The following POLR3GL variants were observed in gnomAD, a reference collection of about 807,000 sequenced individuals.
POLR3GL encodes the protein DNA-directed RNA polymerase III subunit RPC7-like.
A neutral mutation model predicts 32.4 loss-of-function variants in POLR3GL; 26 were observed. The observed-to-expected ratio is 0.80, with a 90% CI of 0.59 to 1.11. The LOEUF is 1.11. POLR3GL is among the 50% of genes most tolerant of loss of function. POLR3GL has a pLI of 0.00. For missense variants in POLR3GL, 229 were observed against 280.1 expected (o/e 0.82, Z 1.30); for synonymous variants, 95 against 98.7 (o/e 0.96, Z 0.22).
intron 7 of POLR3GL, 96 bp downstream of exon 7, chr1:145,978,192 G>A: frequency 1.3e-6 from 2 of 1,518,346 alleles, no homozygotes; most frequent in Admixed American, 2.1e-5. Flanking sequence ...CAGAGATAGT[G>A]CCCCCCAGGG....
At chr1:145,965,626 C>T (rs1257020443) in intron 1 of POLR3GL, among the ~76,000 whole-genome samples, 6 of 152,204 alleles carry the variant, frequency 3.9e-5, no homozygotes, top group Non-Finnish European at 7.3e-5. Context: ...CTACTAGAGC[C>T]ATGCATCCTT....
intron 1 of POLR3GL, among the ~76,000 whole-genome samples, chr1:145,969,406 A>G (rs1650180305): frequency 6.6e-6 from 1 of 151,720 alleles, no homozygotes; most frequent in Admixed American, 6.6e-5. Flanking sequence ...CTGGGACTAC[A>G]GGCGCACACC....
intron 4 of POLR3GL, 29 bp from the exon 5 acceptor site, chr1:145,977,454 A>C: frequency 6.2e-7 from 1 of 1,608,766 alleles, no homozygotes; most frequent in Non-Finnish European, 8.5e-7. Flanking sequence ...GCAGGGTCCT[A>C]TTGACATTTA....
chr1:145,973,006 C>T (rs1201243438), intron 1 of POLR3GL, among the ~76,000 whole-genome samples: 2 of 152,104 alleles, frequency 1.3e-5, no homozygotes, highest in African/African-American at 2.4e-5. Context: ...GCTAACCCAT[C>T]AATATGTGAG....
chr1:145,977,599 G>A lies in POLR3GL; in HGVS notation c.382+60G>A, dbSNP rs373046614. ...GGTTTCCTTCATCAGCCTGAGGGCC[G>A]AGGCTGCTGCTGGTCTCACCTTCCA... On this transcript the variant is annotated intron_variant, in intron 5 of 7. Coordinates refer to ENST00000369314, the MANE Select transcript of POLR3GL (RefSeq NM_032305.3). The A allele has an allele frequency of 1.6e-4, 246 of 1,494,006 alleles. 1 individual carries two copies. The highest frequency in any genetic ancestry group is 2.1e-4 in the Non-Finnish European group (230 of 1,070,936). The allele number at this position is 1,494,006 out of a possible 1,614,324, so 92.5% of individuals were successfully genotyped here. A position where few individuals can be genotyped will look rare whatever the true frequency, so the allele number is the denominator to read the frequency against.
chr1:145,974,014 T>C (rs1570997285), intron 1 of POLR3GL, among the ~76,000 whole-genome samples: 1 of 138,416 alleles, frequency 7.2e-6, no homozygotes, highest in African/African-American at 2.7e-5. Context: ...CACCTGTAGC[T>C]CCAGCTACTT....
chr1:145,978,633 C>A lies in POLR3GL; in HGVS notation c.*186C>A. 1.7e-6 allele frequency: 1 copy of A among 601,986 alleles called. No individual in the cohort carries two copies. The highest frequency in any genetic ancestry group is 2.1e-5 in the South Asian group (1 of 47,594). 37.3% of individuals were successfully genotyped at this position (601,986 alleles called of 1,614,324 possible). Reference sequence around the variant, plus strand: ...TCCCCTCCTTCCACATTTGTATCACCTTTGCTATCTTGGGGAAAGTGCAAA... The same window carrying A: ...TCCCCTCCTTCCACATTTGTATCACATTTGCTATCTTGGGGAAAGTGCAAA... On this transcript the variant is annotated 3_prime_UTR_variant, in exon 8 of 8. Coordinates refer to ENST00000369314, the MANE Select transcript of POLR3GL (RefSeq NM_032305.3).
intron 1 of POLR3GL, among the ~76,000 whole-genome samples, chr1:145,972,088 A>G (rs1236660842): frequency 6.9e-6 from 1 of 145,902 alleles, no homozygotes; most frequent in Non-Finnish European, 1.5e-5. Flanking sequence ...ACACATAAGA[A>G]GTGGGAAGTT....
chr1:145,965,071 A>G (rs1163460718), intron 1 of POLR3GL, among the ~76,000 whole-genome samples: 2 of 152,222 alleles, frequency 1.3e-5, no homozygotes, highest in African/African-American at 2.4e-5. Context: ...CCTGTTATCT[A>G]TGAAGACTAG....
rs1485340265 is a variant in POLR3GL at position 145,976,941 on chromosome 1, G to T, written c.257-143G>T. 2.3e-5 allele frequency: 14 copies of T among 618,402 alleles called. No homozygotes were observed. The Admixed American group carries it at 2.8e-4, about 12-fold the overall frequency. The allele number at this position is 618,402 out of a possible 1,614,324, so 38.3% of individuals were successfully genotyped here. Reference sequence around the variant, plus strand: ...AAAAAAAAAAAAAAAAGTAGATAAGGTCCTCACTGAAGCTGACCCCCTGGG... The same window carrying T: ...AAAAAAAAAAAAAAAAGTAGATAAGTTCCTCACTGAAGCTGACCCCCTGGG... On this transcript the variant is annotated intron_variant, in intron 3 of 7. Transcript: ENST00000369314.
chr1:145,966,789 A>G (rs182154371), intron 1 of POLR3GL, among the ~76,000 whole-genome samples: 26 of 127,320 alleles, frequency 2.0e-4, no homozygotes, highest in Admixed American at 1.0e-3. Context: ...AACTGTCTCA[A>G]AAAAAAAATA....
intron 3 of POLR3GL, among the ~76,000 whole-genome samples, chr1:145,976,739 C>T (rs148849145): frequency 3.3e-3 from 498 of 151,588 alleles, no homozygotes; most frequent in Admixed American, 8.2e-3. Flanking sequence ...ATGGTGAAAC[C>T]CCGTCTCTAC....
chr1:145,977,508 A>G lies in POLR3GL; in HGVS notation c.351A>G (p.Leu117=). 6.2e-7 allele frequency: 1 copy of G among 1,614,138 alleles called. No individual in the cohort carries two copies. Among genetic ancestry groups the G allele is most frequent in the Admixed American group, 1.7e-5 (1 of 60,022 alleles). The change falls in exon 5 of 8, where the codon CTA becomes CTG. Residue 117 remains leucine (L), a synonymous_variant. Transcript: ENST00000369314. ...ATTGGCGGCGTCTACCCCGGGAGCT[A>G]AAGATCCGAGTGCGGAAGCTACAGA... The part of the protein sequence containing the change: ...NPDWRRLPRE[L]KIRVRKLQKE...
Position 145,976,734 on chromosome 1 carries a change from G to A in POLR3GL, c.257-350G>A, listed in dbSNP as rs1352633537. 2.0e-5 allele frequency among the ~76,000 whole-genome samples: 3 copies of A among 151,816 alleles called. No homozygotes were observed. In the East Asian group the frequency reaches 5.8e-4, roughly 30 times the overall value. On this transcript the variant is annotated intron_variant, in intron 3 of 7. Coordinates refer to ENST00000369314, the MANE Select transcript of POLR3GL (RefSeq NM_032305.3). ...TTGAGACCATCCTGGCCAACATGGTGAAACCCCGTCTCTACTAAAAATACA... is the reference window on the plus strand; with the variant it reads ...TTGAGACCATCCTGGCCAACATGGTAAAACCCCGTCTCTACTAAAAATACA...
Position 145,978,517 on chromosome 1 carries a change from C to A in POLR3GL, c.*70C>A. 1.0e-6 allele frequency: 1 copy of A among 1,002,034 alleles called. No homozygotes were observed. The highest frequency in any genetic ancestry group is 1.6e-6 in the Non-Finnish European group (1 of 637,690). The allele number at this position is 1,002,034 out of a possible 1,614,324, so 62.1% of individuals were successfully genotyped here. A position where few individuals can be genotyped will look rare whatever the true frequency, so the allele number is the denominator to read the frequency against. On this transcript the variant is annotated 3_prime_UTR_variant, in exon 8 of 8. Transcript: ENST00000369314. Reference sequence around the variant, plus strand: ...TAACTGTACCTATTATTTGTTTCTTCAGACAAGCAAATCATTTGGTCAGAG... The same window carrying A: ...TAACTGTACCTATTATTTGTTTCTTAAGACAAGCAAATCATTTGGTCAGAG...
chr1:145,977,867 G>A lies in POLR3GL; in HGVS notation c.456+16G>A, dbSNP rs781857748. On this transcript the variant is annotated intron_variant, in intron 6 of 7. Transcript: ENST00000369314. ...GAAACTAGAGGTGAGGAGGAAGTGTGCATAGAGACCTCCTGAGCCCTGGAT... is the reference window on the plus strand; with the variant it reads ...GAAACTAGAGGTGAGGAGGAAGTGTACATAGAGACCTCCTGAGCCCTGGAT... The A allele has an allele frequency of 1.2e-6, 2 of 1,613,258 alleles. No individual in the cohort carries two copies. The highest frequency in any genetic ancestry group is 2.7e-5 in the African/African-American group (2 of 75,006).
At chr1:145,977,695 G>A in intron 5 of POLR3GL, 83 bp from the exon 6 acceptor site, 1 of 1,395,780 alleles carries the variant, frequency 7.2e-7, no homozygotes, top group South Asian at 1.2e-5. Context: ...GGGCAGCAGA[G>A]TGACATGTTC....
chr1:145,975,674 GA>G (rs778834161), intron 3 of POLR3GL, among the ~76,000 whole-genome samples: 1 of 152,126 alleles, frequency 6.6e-6, no homozygotes, highest in Non-Finnish European at 1.5e-5. Context: ...TAAGTAGGGG[GA>G]TGTATTTTCT....
chr1:145,975,674 G>A (rs1650519132), intron 3 of POLR3GL, among the ~76,000 whole-genome samples: 2 of 152,126 alleles, frequency 1.3e-5, no homozygotes, highest in Non-Finnish European at 2.9e-5. Context: ...TAAGTAGGGG[G>A]ATGTATTTTC....
Sources: gnomAD v4.1 joint callset for allele counts (sites outside exome capture counted in the v4.1 genomes callset) on GRCh38, gnomAD v4.1.1 for gene constraint, MANE v1.5 for transcripts, NCBI Gene and HGNC (gene_info 2026-07-23, HGNC 2026-07-21) for gene names.